Variants in ARHGAP18 observed in about 807,000 individuals in gnomAD.
ARHGAP18 encodes rho GTPase-activating protein 18.
In ARHGAP18, 67 loss-of-function variants were observed where a neutral mutation model predicts 86.2. The ratio of observed to expected loss-of-function variants is 0.78; its 90% CI spans 0.64 to 0.95. ARHGAP18 has a LOEUF of 0.95. Ranked by LOEUF, ARHGAP18 falls within the 40% of genes least tolerant of loss-of-function variation. ARHGAP18 has a pLI of 0.00. For synonymous variants in ARHGAP18, 283 were observed against 280.4 expected (o/e 1.01, Z -0.09); for missense variants, 691 against 780.4 (o/e 0.89, Z 1.37).
At chr6:129,693,030 G>GT (rs1443862146) in intron 1 of ARHGAP18, among the ~76,000 whole-genome samples, 2 of 152,200 alleles carry the variant, frequency 1.3e-5, no homozygotes. Context: ...CTTTGGGTCT[G>GT]TGGTAGGCCA....
chr6:129,627,867 T>A (rs7744947), intron 5 of ARHGAP18, among the ~76,000 whole-genome samples: 9,744 of 152,182 alleles, frequency 0.064, 839 homozygotes, highest in African/African-American at 0.2. Context: ...ATTCTTAGCA[T>A]TTTTGGTACA....
At chr6:129,592,361 T>A (rs1429938230) in intron 12 of ARHGAP18, among the ~76,000 whole-genome samples, 5 of 151,904 alleles carry the variant, frequency 3.3e-5, no homozygotes, top group Non-Finnish European at 7.4e-5. Context: ...CACAAACAAC[T>A]CAGCATCTAC....
At chr6:129,686,307 C>G (rs1774423170) in intron 1 of ARHGAP18, among the ~76,000 whole-genome samples, 2 of 152,162 alleles carry the variant, frequency 1.3e-5, no homozygotes. Flanking sequence ...TGCACTGTCC[C>G]CTACAGGCTG....
Position 129,600,788 on chromosome 6 carries a change from T to C in ARHGAP18, c.1426A>G (p.Met476Val), listed in dbSNP as rs904225839. Reference protein sequence around the residue: ...DNKEKNKMTVMNVAMVMAPNL... With the variant: ...DNKEKNKMTVVNVAMVMAPNL... ...GGGGCCATGACCATTGCTACATTCA[T>C]GACTGTCATTTTATTTTTTTCTTTA... The change falls in exon 11 of 15, where the codon ATG becomes GTG. Residue 476 changes from methionine to valine, a missense_variant. Met to Val is a conservative substitution (Grantham distance 21, BLOSUM62 1). Coordinates refer to ENST00000368149, the MANE Select transcript of ARHGAP18 (RefSeq NM_033515.3). 1.2e-6 allele frequency: 2 copies of C among 1,613,512 alleles called. No individual in the cohort carries two copies. Among genetic ancestry groups the C allele is most frequent in the African/African-American group, 1.3e-5 (1 of 74,914 alleles).
At chr6:129,612,723 A>T (rs1443759612) in intron 7 of ARHGAP18, among the ~76,000 whole-genome samples, 2 of 152,218 alleles carry the variant, frequency 1.3e-5, no homozygotes, top group African/African-American at 4.8e-5. Context: ...TTCTGAAGTT[A>T]GATATATTGT....
At chr6:129,591,099 G>T (rs1172663767) in intron 12 of ARHGAP18, among the ~76,000 whole-genome samples, 1 of 152,118 alleles carries the variant, frequency 6.6e-6, no homozygotes, top group African/African-American at 2.4e-5. Flanking sequence ...TCATTTAAAT[G>T]GTGTATGAAA....
chr6:129,606,493 ATTATCATTGATG>A lies in ARHGAP18; in HGVS notation c.1283-546_1283-535del, dbSNP rs528323355. 5.1e-3 allele frequency among the ~76,000 whole-genome samples: 773 copies of A among 152,268 alleles called. 8 individuals carry two copies. The highest frequency in any genetic ancestry group is 0.018 in the African/African-American group (733 of 41,546). On this transcript the variant is annotated intron_variant, in intron 9 of 14. Transcript: ENST00000368149. ...AGCTCAACAGTCTAAGAGGTGCATT[ATTATCATTGATG>A]TTATCATTTTCAGCAGCCCTTACCC...
chr6:129,646,272 G>A (rs1304046862), intron 1 of ARHGAP18, among the ~76,000 whole-genome samples: 3 of 152,152 alleles, frequency 2.0e-5, no homozygotes, highest in Non-Finnish European at 4.4e-5. Flanking sequence ...TAAAAAATGG[G>A]AAGAATAACA....
At chr6:129,697,557 G>C (rs1236184471) in intron 1 of ARHGAP18, among the ~76,000 whole-genome samples, 1 of 151,808 alleles carries the variant, frequency 6.6e-6, no homozygotes, top group African/African-American at 2.4e-5. Flanking sequence ...TTTACTACCT[G>C]TCAGGCCTCT....
intron 1 of ARHGAP18, among the ~76,000 whole-genome samples, chr6:129,668,375 C>T (rs184297394): frequency 8.7e-5 from 13 of 148,884 alleles, no homozygotes; most frequent in African/African-American, 3.0e-4. Flanking sequence ...CACACACACA[C>T]ACACACACAC....
At chr6:129,689,109 G>A (rs566749137) in intron 1 of ARHGAP18, among the ~76,000 whole-genome samples, 20 of 152,122 alleles carry the variant, frequency 1.3e-4, no homozygotes, top group African/African-American at 3.9e-4. Flanking sequence ...ATTTCTGGAG[G>A]AATAAATGGG....
chr6:129,635,635 G>GT (rs1191285854), intron 3 of ARHGAP18, among the ~76,000 whole-genome samples: 1 of 152,194 alleles, frequency 6.6e-6, no homozygotes, highest in Admixed American at 6.5e-5. Context: ...ATATTTCCTA[G>GT]TGTCAGCAAG....
chr6:129,626,901 C>A (rs1057007583), intron 5 of ARHGAP18, among the ~76,000 whole-genome samples: 1 of 152,066 alleles, frequency 6.6e-6, no homozygotes, highest in Non-Finnish European at 1.5e-5. Context: ...TGCTCATGTA[C>A]GTCTGTCCTC....
intron 1 of ARHGAP18, among the ~76,000 whole-genome samples, chr6:129,662,720 C>T (rs1000344988): frequency 1.3e-5 from 2 of 152,198 alleles, no homozygotes; most frequent in African/African-American, 4.8e-5. Context: ...AGATTCACTG[C>T]TCTCTATGCC....
intron 12 of ARHGAP18, among the ~76,000 whole-genome samples, chr6:129,598,385 G>T (rs139606723): frequency 7.0e-4 from 106 of 152,242 alleles, no homozygotes; most frequent in African/African-American, 2.1e-3. Flanking sequence ...GGCCAAAACC[G>T]AAAATTCAGA....
At position 129,618,831 on chromosome 6, in the gene ARHGAP18, T is replaced by C; in HGVS notation, c.808A>G (p.Lys270Glu). The change falls in exon 6 of 15, where the codon AAA (lysine) becomes GAA (glutamate). Residue 270 changes from lysine to glutamate, a missense_variant. Transcript: ENST00000368149. ...TCACCAATCCTTGTGGTACCCGTTTTGTCTTTTGGCAATCTGAAACTCTAA... is the reference window on the plus strand; with the variant it reads ...TCACCAATCCTTGTGGTACCCGTTTCGTCTTTTGGCAATCTGAAACTCTAA... Reference protein sequence around the residue: ...TLPSFRLPKDKTGTTRIGDLA... With the variant: ...TLPSFRLPKDETGTTRIGDLA... 6.2e-7 allele frequency: 1 copy of C among 1,612,692 alleles called. No individual in the cohort carries two copies. Among genetic ancestry groups the C allele is most frequent in the Non-Finnish European group, 8.5e-7 (1 of 1,179,684 alleles).
intron 1 of ARHGAP18, among the ~76,000 whole-genome samples, chr6:129,704,471 A>C (rs2114558878): frequency 6.6e-6 from 1 of 152,094 alleles, no homozygotes; most frequent in East Asian, 1.9e-4. Context: ...ACAAAAAAAA[A>C]CTGAGCTTCA....
chr6:129,618,588 T>G, intron 6 of ARHGAP18, 99 bp downstream of exon 6: 1 of 1,135,616 alleles, frequency 8.8e-7, no homozygotes, highest in East Asian at 2.6e-5. Context: ...TGGTTTATTT[T>G]GCAGGTGTTT....
chr6:129,641,688 A>G, intron 2 of ARHGAP18, 128 bp downstream of exon 2: 6 of 837,614 alleles, frequency 7.2e-6, no homozygotes, highest in African/African-American at 1.7e-5. Flanking sequence ...GTATTTTTCA[A>G]GTTGAAAGGC....
Sources: gnomAD v4.1 joint callset for allele counts (sites outside exome capture counted in the v4.1 genomes callset) on GRCh38, gnomAD v4.1.1 for gene constraint, MANE v1.5 for transcripts, NCBI Gene and HGNC (gene_info 2026-07-23, HGNC 2026-07-21) for gene names.